Variants in RIMS1 observed in about 807,000 individuals in gnomAD.
The protein encoded by RIMS1 is regulating synaptic membrane exocytosis protein 1.
A neutral mutation model predicts 214.1 loss-of-function variants in RIMS1; 83 were observed. The ratio of observed to expected loss-of-function variants is 0.39; its 90% CI spans 0.32 to 0.47. The LOEUF is 0.47. Among genes scored for constraint, RIMS1 ranks in the 20% least tolerant of loss-of-function variants. The pLI, the probability that RIMS1 is intolerant of heterozygous loss-of-function variation, is 0.99. For missense variants in RIMS1, 2,050 were observed against 2,161.8 expected (o/e 0.95, Z 1.03); for synonymous variants, 793 against 786.8 (o/e 1.01, Z -0.13).
At chr6:72,043,690 T>C (rs960731998) in intron 2 of RIMS1, among the ~76,000 whole-genome samples, 1 of 151,492 alleles carries the variant, frequency 6.6e-6, no homozygotes, top group African/African-American at 2.4e-5. Context: ...TAGACTTTTT[T>C]CCCCCTTTTC....
rs145966712 is a variant in RIMS1, at chr6:72,114,681, A to G, written c.471+14695A>G. ...GAACTTTGAATGAATGAGTGAATGA[A>G]TGAATGGTACTTCTCTGTACCTTTT... On this transcript the variant is annotated intron_variant, in intron 4 of 33. Transcript: ENST00000521978. Among the ~76,000 whole-genome samples the G allele has an allele frequency of 1.7e-3, 262 of 152,064 alleles. 2 individuals are homozygous for G. The highest frequency in any genetic ancestry group is 6.2e-3 in the African/African-American group (257 of 41,550).
intron 29 of RIMS1, among the ~76,000 whole-genome samples, chr6:72,351,836 A>G (rs529382514): frequency 1.3e-5 from 2 of 152,332 alleles, no homozygotes; most frequent in East Asian, 3.9e-4. Context: ...TTTTACAAGG[A>G]GAAAATTATA....
At chr6:72,150,123 C>T (rs2043322130) in intron 4 of RIMS1, among the ~76,000 whole-genome samples, 1 of 151,440 alleles carries the variant, frequency 6.6e-6, no homozygotes, top group African/African-American at 2.4e-5. Context: ...AGTGGTTTCT[C>T]TCAGTGTGGC....
At chr6:72,016,043 T>G (rs1409113121) in intron 2 of RIMS1, among the ~76,000 whole-genome samples, 1 of 149,754 alleles carries the variant, frequency 6.7e-6, no homozygotes, top group East Asian at 1.9e-4. Context: ...TTCAAATGCT[T>G]TATCTGCATC....
chr6:72,108,559 G>A (rs925414904), intron 4 of RIMS1, among the ~76,000 whole-genome samples: 1 of 151,926 alleles, frequency 6.6e-6, no homozygotes, highest in Admixed American at 6.6e-5. Context: ...GGAGATTGAG[G>A]AAACAAAAGA....
intron 19 of RIMS1, chr6:72,262,496 A>G (rs891672170): frequency 2.0e-6 from 2 of 985,246 alleles, no homozygotes; most frequent in African/African-American, 1.7e-5. Context: ...AGTGCGAAAC[A>G]TATGTCACCA....
intron 21 of RIMS1, 118 bp downstream of exon 21, chr6:72,265,621 C>G: frequency 3.3e-6 from 2 of 612,052 alleles, no homozygotes; most frequent in Non-Finnish European, 5.6e-6. Context: ...GGTGTGGCAT[C>G]TGTTCCTGGT....
chr6:72,024,900 GTTTTTTTT>G (rs777214787), intron 2 of RIMS1, among the ~76,000 whole-genome samples: 6 of 98,640 alleles, frequency 6.1e-5, no homozygotes, highest in Non-Finnish European at 9.6e-5. Flanking sequence ...AAATCTGTGG[GTTTTTTTT>G]TTTTTTTTTT....
chr6:72,151,398 G>A (rs551868552), intron 4 of RIMS1, among the ~76,000 whole-genome samples: 1 of 152,312 alleles, frequency 6.6e-6, no homozygotes, highest in Non-Finnish European at 1.5e-5. Context: ...AAAGTCTAAA[G>A]ATGTGATATC....
At chr6:72,344,900 A>T (rs1564337631) in intron 29 of RIMS1, among the ~76,000 whole-genome samples, 1 of 151,822 alleles carries the variant, frequency 6.6e-6, no homozygotes, top group Non-Finnish European at 1.5e-5. Context: ...TTGGCAGAAA[A>T]AATTATTGAT....
intron 31 of RIMS1, among the ~76,000 whole-genome samples, chr6:72,396,753 C>CT (rs528403339): frequency 0.011 from 1,715 of 152,270 alleles, 18 homozygotes; most frequent in Non-Finnish European, 0.02. Flanking sequence ...TGGCTCACAC[C>CT]TGTAATCCCA....
At chr6:71,905,238 T>C (rs1774916699) in intron 1 of RIMS1, among the ~76,000 whole-genome samples, 1 of 152,186 alleles carries the variant, frequency 6.6e-6, no homozygotes, top group South Asian at 2.1e-4. Context: ...CATAATTTAG[T>C]CCAAATATCT....
intron 2 of RIMS1, among the ~76,000 whole-genome samples, chr6:72,021,010 C>T (rs980733939): frequency 6.6e-6 from 1 of 152,192 alleles, no homozygotes; most frequent in Admixed American, 6.6e-5. Context: ...TATTCATTTT[C>T]TAACTAAAGT....
chr6:72,126,344 T>C (rs1587665364), intron 4 of RIMS1, among the ~76,000 whole-genome samples: 2 of 152,322 alleles, frequency 1.3e-5, no homozygotes, highest in Non-Finnish European at 2.9e-5. Flanking sequence ...GGAAAAACTC[T>C]TCTAGACATT....
In RIMS1 at chr6:72,402,209, G is replaced by A. The variant is rs1380480191; in HGVS notation, c.*1495G>A. The A allele has an allele frequency of 1.3e-5, 2 of 152,574 alleles. No individual in the cohort carries two copies. Among genetic ancestry groups the A allele is most frequent in the Non-Finnish European group, 2.9e-5 (2 of 68,038 alleles). The allele number at this position is 152,574 out of a possible 1,614,324, so 9.5% of individuals were successfully genotyped here. A position where few individuals can be genotyped will look rare whatever the true frequency, so the allele number is the denominator to read the frequency against. On this transcript the variant is annotated 3_prime_UTR_variant, in exon 34 of 34. Coordinates refer to ENST00000521978, the MANE Select transcript of RIMS1 (RefSeq NM_014989.7). ...AACAAAAGGTTATTTAATAATGTATGTTAGTTCCACATAGGCCAGCTTGTA... is the reference window on the plus strand; with the variant it reads ...AACAAAAGGTTATTTAATAATGTATATTAGTTCCACATAGGCCAGCTTGTA...
intron 1 of RIMS1, among the ~76,000 whole-genome samples, chr6:71,957,715 T>C (rs971779617): frequency 1.3e-5 from 2 of 150,484 alleles, no homozygotes; most frequent in African/African-American, 5.0e-5. Context: ...GAACACTAAA[T>C]GACATGACAG....
intron 2 of RIMS1, among the ~76,000 whole-genome samples, chr6:72,026,231 C>A (rs1164762618): frequency 6.6e-6 from 1 of 152,134 alleles, no homozygotes; most frequent in Non-Finnish European, 1.5e-5. Context: ...CATAGAGAGG[C>A]AGTGTATTGG....
At chr6:72,366,738 G>A (rs1374768762) in intron 29 of RIMS1, 1 of 985,726 alleles carries the variant, frequency 1.0e-6, no homozygotes, top group Non-Finnish European at 1.2e-6. Context: ...ACAGTTCACA[G>A]GCAGCTCAGA....
intron 1 of RIMS1, among the ~76,000 whole-genome samples, chr6:71,893,966 G>A (rs1020241989): frequency 6.6e-6 from 1 of 152,150 alleles, no homozygotes; most frequent in Non-Finnish European, 1.5e-5. Flanking sequence ...CAACCCGGAT[G>A]ACAAATTATA....
Sources: gnomAD v4.1 joint callset for allele counts (sites outside exome capture counted in the v4.1 genomes callset) on GRCh38, gnomAD v4.1.1 for gene constraint, MANE v1.5 for transcripts, NCBI Gene and HGNC (gene_info 2026-07-23, HGNC 2026-07-21) for gene names.